DMD: variants seen among roughly 807,000 people sequenced by gnomAD.
The protein encoded by DMD is dystrophin.
A neutral mutation model predicts 330.1 loss-of-function variants in DMD; 63 were observed. That is an observed-to-expected ratio of 0.19 (90% confidence interval 0.16 to 0.24). The LOEUF is 0.24. Among genes scored for constraint, DMD ranks in the 10% least tolerant of loss-of-function variants. DMD has a pLI of 1.00. For missense variants in DMD, 3,344 were observed against 2,684.1 expected, an observed-to-expected ratio of 1.25 and a Z score of -5.43; for synonymous variants, 1,223 against 959.8, an observed-to-expected ratio of 1.27 and a Z score of -5.07.
At chrX:32,609,469 T>A (rs2056990753) in intron 12 of DMD, among the ~76,000 whole-genome samples, 1 of 110,854 alleles carries the variant, frequency 9.0e-6, no homozygotes, top group African/African-American at 3.3e-5. Context: ...GTACAAGACA[T>A]CGTAAATGAT....
At chrX:31,516,454 C>T (rs2072215704) in intron 55 of DMD, among the ~76,000 whole-genome samples, 1 of 110,995 alleles carries the variant, frequency 9.0e-6, no homozygotes, top group Non-Finnish European at 1.9e-5. Flanking sequence ...GAGGGTGTGA[C>T]TGTTTTTTCC....
chrX:32,618,777 G>A (rs2057776370), intron 11 of DMD, among the ~76,000 whole-genome samples: 1 of 110,809 alleles, frequency 9.0e-6, no homozygotes, highest in Non-Finnish European at 1.9e-5. Context: ...TGTTGATAAC[G>A]ATTTAGGAAA....
chrX:31,208,665 CA>C (rs1420213509), intron 65 of DMD, among the ~76,000 whole-genome samples: 1 of 111,539 alleles, frequency 9.0e-6, no homozygotes, highest in Admixed American at 9.5e-5. Context: ...AAGTCTACAA[CA>C]AAGGTAAAAG....
intron 42 of DMD, among the ~76,000 whole-genome samples, chrX:32,297,729 C>A (rs1034444508): frequency 7.2e-5 from 8 of 111,297 alleles, no homozygotes; most frequent in African/African-American, 2.3e-4. Flanking sequence ...TGCTGAGGAG[C>A]AAAACTAAAG....
At chrX:33,139,797 T>C (rs1205112568) in intron 1 of DMD, among the ~76,000 whole-genome samples, 2 of 107,011 alleles carry the variant, frequency 1.9e-5, no homozygotes, top group African/African-American at 7.0e-5. Context: ...ATTACTCTTT[T>C]CTTTAAAAAT....
chrX:31,134,579 C>T (rs1410282866), intron 76 of DMD, among the ~76,000 whole-genome samples: 3 of 110,861 alleles, frequency 2.7e-5, no homozygotes, highest in African/African-American at 9.8e-5. Flanking sequence ...TGCGCCAACA[C>T]GTCCAGCTAA....
At chrX:33,118,374 T>A (rs943559185) in intron 1 of DMD, among the ~76,000 whole-genome samples, 1 of 110,940 alleles carries the variant, frequency 9.0e-6, no homozygotes, top group Non-Finnish European at 1.9e-5. Context: ...CCTCCCAAAG[T>A]GCTGGGATTA....
At chrX:32,829,242 G>T (rs894281874) in intron 4 of DMD, among the ~76,000 whole-genome samples, 1 of 111,034 alleles carries the variant, frequency 9.0e-6, no homozygotes. Flanking sequence ...TAAGGGTTAC[G>T]TTAAATTCAT....
chrX:31,667,592 A>G (rs775848111), intron 53 of DMD, among the ~76,000 whole-genome samples: 1 of 110,682 alleles, frequency 9.0e-6, no homozygotes, highest in Non-Finnish European at 1.9e-5. Flanking sequence ...AATGAATAAG[A>G]TCTAGTATTT....
chrX:31,655,062 A>G (rs978872045), intron 54 of DMD, among the ~76,000 whole-genome samples: 1 of 111,998 alleles, frequency 8.9e-6, no homozygotes, highest in African/African-American at 3.2e-5. Context: ...AGCACAGTAA[A>G]TAATTATTAT....
At chrX:31,963,146 A>G (rs184807872) in intron 45 of DMD, among the ~76,000 whole-genome samples, 16 of 111,938 alleles carry the variant, frequency 1.4e-4, no homozygotes, top group African/African-American at 4.2e-4. Flanking sequence ...TTTCAAGAAG[A>G]GGACCAACCA....
intron 29 of DMD, among the ~76,000 whole-genome samples, chrX:32,412,985 C>T (rs766691570): frequency 9.0e-6 from 1 of 111,283 alleles, no homozygotes; most frequent in South Asian, 3.8e-4. Flanking sequence ...GGCATCTAGA[C>T]TAAGGCAAAA....
At chrX:33,134,015 T>G (rs2095512839) in intron 1 of DMD, among the ~76,000 whole-genome samples, 1 of 111,872 alleles carries the variant, frequency 8.9e-6, no homozygotes, top group African/African-American at 3.2e-5. Context: ...TAGTGTTAAT[T>G]TTTGCACCTG....
chrX:31,254,175 C>T (rs1297983335), intron 63 of DMD, among the ~76,000 whole-genome samples: 3 of 111,958 alleles, frequency 2.7e-5, no homozygotes, highest in South Asian at 3.7e-4. Context: ...TGAAGTGCAG[C>T]GATTCTCTCT....
intron 64 of DMD, among the ~76,000 whole-genome samples, chrX:31,221,160 C>T (rs947108296): frequency 9.0e-6 from 1 of 110,690 alleles, no homozygotes; most frequent in East Asian, 2.8e-4. Flanking sequence ...AGGTTTTTCT[C>T]CTGTCACTCC....
intron 44 of DMD, among the ~76,000 whole-genome samples, chrX:32,164,914 A>G (rs1397253670): frequency 8.9e-6 from 1 of 112,178 alleles, no homozygotes; most frequent in Admixed American, 9.4e-5. Context: ...AGAGGGAGCA[A>G]GTCCCAAGCT....
chrX:33,052,276 C>A (rs896337051), intron 1 of DMD, among the ~76,000 whole-genome samples: 5 of 111,930 alleles, frequency 4.5e-5, no homozygotes, highest in East Asian at 2.8e-4. Flanking sequence ...GATTAAATCA[C>A]CTCCAAGTTT....
chrX:31,853,114 C>T (rs2093559011), intron 48 of DMD, among the ~76,000 whole-genome samples: 1 of 112,576 alleles, frequency 8.9e-6, no homozygotes. Flanking sequence ...GAACTCCTGG[C>T]CTCAAGTGAT....
intron 9 of DMD, among the ~76,000 whole-genome samples, chrX:32,674,846 CT>C (rs1438140509): frequency 4.5e-5 from 5 of 111,355 alleles, no homozygotes; most frequent in African/African-American, 6.5e-5. Flanking sequence ...TAATAAAACT[CT>C]GTATTAAACC....
Sources: gnomAD v4.1 joint callset for allele counts (sites outside exome capture counted in the v4.1 genomes callset) on GRCh38, gnomAD v4.1.1 for gene constraint, MANE v1.5 for transcripts, NCBI Gene and HGNC (gene_info 2026-07-23, HGNC 2026-07-21) for gene names.